The following SPRED2 variants were observed in gnomAD, a reference collection of about 807,000 sequenced individuals.
SPRED2 encodes the protein sprouty related EVH1 domain containing 2.
Under a neutral mutation model 43.0 loss-of-function variants are expected in SPRED2, and 47 were observed. That is an observed-to-expected ratio of 1.09 (90% CI 0.87 to 1.40). The LOEUF (loss-of-function observed/expected upper bound fraction) is 1.40, where lower values mean the gene tolerates loss of function less well. SPRED2 is among the 40% of genes most tolerant of loss of function. The pLI is 0.00. For missense variants in SPRED2, 561 were observed against 586.4 expected (o/e 0.96, Z 0.45); for synonymous variants, 225 against 225.7 (o/e 1.00, Z 0.03).
intron 2 of SPRED2, 126 bp from the exon 3 acceptor site, chr2:65,334,899 A>G (rs1265577994): frequency 2.2e-6 from 2 of 918,768 alleles, no homozygotes; most frequent in Non-Finnish European, 3.4e-6. Flanking sequence ...CTGCCTTCAC[A>G]TATCTGTGAG....
chr2:65,423,236 T>C (rs1269731219), intron 1 of SPRED2, among the ~76,000 whole-genome samples: 8 of 152,208 alleles, frequency 5.3e-5, no homozygotes, highest in Non-Finnish European at 1.5e-5. Context: ...CTACTGACTT[T>C]TGTTTTAGAG....
chr2:65,430,693 C>G (rs1382669627), intron 1 of SPRED2, among the ~76,000 whole-genome samples: 2 of 151,954 alleles, frequency 1.3e-5, no homozygotes, highest in African/African-American at 2.4e-5. Flanking sequence ...GGCCTCCCTC[C>G]AGGGCGCGTC....
At chr2:65,363,873 G>T (rs1269850233) in intron 1 of SPRED2, among the ~76,000 whole-genome samples, 1 of 152,156 alleles carries the variant, frequency 6.6e-6, no homozygotes, top group Non-Finnish European at 1.5e-5. Context: ...ATTTTAGTAA[G>T]TGCTAAAAAT....
chr2:65,403,683 GA>G (rs1675957474), intron 1 of SPRED2, among the ~76,000 whole-genome samples: 1 of 152,114 alleles, frequency 6.6e-6, no homozygotes. Context: ...AAAAGCTGAA[GA>G]AAAAAGCACC....
At chr2:65,420,209 CAAAAAA>C (rs61448407) in intron 1 of SPRED2, among the ~76,000 whole-genome samples, 27 of 79,818 alleles carry the variant, frequency 3.4e-4, no homozygotes, top group Non-Finnish European at 1.9e-4. Flanking sequence ...GACTCTGTCT[CAAAAAA>C]AAAAAAAAAA....
At chr2:65,406,083 C>A (rs1238313146) in intron 1 of SPRED2, among the ~76,000 whole-genome samples, 1 of 152,186 alleles carries the variant, frequency 6.6e-6, no homozygotes, top group African/African-American at 2.4e-5. Flanking sequence ...TCAGAGTCCT[C>A]ATCTGTTAAA....
intron 1 of SPRED2, among the ~76,000 whole-genome samples, chr2:65,351,385 A>G (rs1390439855): frequency 6.6e-6 from 1 of 151,796 alleles, no homozygotes; most frequent in Non-Finnish European, 1.5e-5. Context: ...CCCCATAAAT[A>G]CTTCCTACAG....
chr2:65,349,041 G>T (rs1250864848), intron 1 of SPRED2, among the ~76,000 whole-genome samples: 1 of 152,118 alleles, frequency 6.6e-6, no homozygotes, highest in Non-Finnish European at 1.5e-5. Flanking sequence ...GGGCGCAGTG[G>T]CTCACGCCTG....
At chr2:65,315,751 T>C (rs1375175157) in intron 5 of SPRED2, among the ~76,000 whole-genome samples, 1 of 152,254 alleles carries the variant, frequency 6.6e-6, no homozygotes, top group Non-Finnish European at 1.5e-5. Flanking sequence ...CTCCACCTCC[T>C]GGGTTCACGC....
chr2:65,308,243 T>A (rs1221068824), downstream of SPRED2: 1 of 937,206 alleles, frequency 1.1e-6, no homozygotes, highest in Non-Finnish European at 1.3e-6. Flanking sequence ...GAGACAGTGC[T>A]CTGACCCAGG....
At chr2:65,390,635 A>C (rs1171798816) in intron 1 of SPRED2, among the ~76,000 whole-genome samples, 1 of 152,208 alleles carries the variant, frequency 6.6e-6, no homozygotes, top group Non-Finnish European at 1.5e-5. Context: ...GGGATGCAAC[A>C]ACAGTATCTA....
intron 1 of SPRED2, among the ~76,000 whole-genome samples, chr2:65,350,425 G>A (rs1431992695): frequency 6.6e-6 from 1 of 152,164 alleles, no homozygotes; most frequent in African/African-American, 2.4e-5. Flanking sequence ...CCAACTGAAT[G>A]GAGCCCGAGT....
intron 1 of SPRED2, among the ~76,000 whole-genome samples, chr2:65,409,106 A>G (rs1310247889): frequency 2.0e-5 from 3 of 152,178 alleles, no homozygotes; most frequent in Non-Finnish European, 4.4e-5. Context: ...CCCTTTTTCT[A>G]TATTCAAGGA....
At chr2:65,316,587 A>G in intron 5 of SPRED2, 147 bp downstream of exon 5, 2 of 976,680 alleles carry the variant, frequency 2.0e-6, no homozygotes, top group African/African-American at 1.6e-5. Context: ...GCCACCACCA[A>G]TGCCACTTTC....
At chr2:65,400,863 T>G (rs1675868934) in intron 1 of SPRED2, among the ~76,000 whole-genome samples, 1 of 152,198 alleles carries the variant, frequency 6.6e-6, no homozygotes, top group South Asian at 2.1e-4. Flanking sequence ...CGTTCTCTGC[T>G]CTACTAAATT....
intron 1 of SPRED2, among the ~76,000 whole-genome samples, chr2:65,407,975 G>A (rs1022137019): frequency 3.3e-5 from 5 of 152,214 alleles, no homozygotes; most frequent in African/African-American, 1.2e-4. Flanking sequence ...ATTATGACAT[G>A]GTCCCTGTGT....
At chr2:65,401,566 C>T (rs1016512877) in intron 1 of SPRED2, among the ~76,000 whole-genome samples, 3 of 151,650 alleles carry the variant, frequency 2.0e-5, no homozygotes, top group Admixed American at 6.6e-5. Context: ...GAGGCTGAGG[C>T]GGGCAGATCA....
chr2:65,411,206 T>A (rs1676150811), intron 1 of SPRED2, among the ~76,000 whole-genome samples: 1 of 152,164 alleles, frequency 6.6e-6, no homozygotes, highest in Non-Finnish European at 1.5e-5. Flanking sequence ...CCTCCAGCAA[T>A]CTTTTGAGGA....
intron 2 of SPRED2, 184 bp downstream of exon 2, chr2:65,344,535 C>T: frequency 1.3e-6 from 1 of 767,684 alleles, no homozygotes; most frequent in Non-Finnish European, 2.3e-6. Context: ...AGAGACTTTG[C>T]TGGAAAGGAC....
Sources: gnomAD v4.1 joint callset for allele counts (sites outside exome capture counted in the v4.1 genomes callset) on GRCh38, gnomAD v4.1.1 for gene constraint, MANE v1.5 for transcripts, NCBI Gene and HGNC (gene_info 2026-07-23, HGNC 2026-07-21) for gene names.